The following RAPGEF6 variants were observed in gnomAD, a reference collection of about 807,000 sequenced individuals.
The protein encoded by RAPGEF6 is PDZ domain containing guanine nucleotide exchange factor (GEF) 2.
RAPGEF6 carries 56 observed loss-of-function variants against 171.4 expected under a neutral mutation model. The observed-to-expected ratio is 0.33, with a 90% CI of 0.26 to 0.41. The LOEUF is 0.41. Ranked by LOEUF, RAPGEF6 falls within the 10% of genes least tolerant of loss-of-function variation. The pLI is 1.00. For missense variants in RAPGEF6, 1,674 were observed against 1,921.4 expected (o/e 0.87, Z 2.41); for synonymous variants, 692 against 650.1 (o/e 1.06, Z -0.98).
intron 1 of RAPGEF6, among the ~76,000 whole-genome samples, chr5:131,634,190 G>C (rs1056345698): frequency 1.3e-5 from 2 of 151,284 alleles, no homozygotes; most frequent in African/African-American, 4.9e-5. Flanking sequence ...ACTGTTTAGT[G>C]TTTTGTTTAG....
Position 131,521,524 on chromosome 5 carries a change from G to A in RAPGEF6, c.496-3C>T. 2.7e-6 allele frequency: 4 copies of A among 1,489,526 alleles called. No homozygotes were observed. Among genetic ancestry groups the A allele is most frequent in the Admixed American group, 2.0e-5 (1 of 49,026 alleles). 92.3% of individuals were successfully genotyped at this position (1,489,526 alleles called of 1,614,324 possible). A position where few individuals can be genotyped will look rare whatever the true frequency, so the allele number is the denominator to read the frequency against. Reference sequence around the variant, plus strand: ...ATCTTGGTAAGATCAGCTGGAAGCTGAAAAAAAAAATAATTTAAGTTATTC... The same window carrying A: ...ATCTTGGTAAGATCAGCTGGAAGCTAAAAAAAAAAATAATTTAAGTTATTC... On this transcript the variant is annotated splice_polypyrimidine_tract_variant and splice_region_variant and intron_variant, in intron 6 of 27. Transcript: ENST00000509018.
rs763359022 is a variant in RAPGEF6 at position 131,634,953 on chromosome 5, C to T, written c.69+9G>A. 6.2e-6 allele frequency: 10 copies of T among 1,614,134 alleles called. No homozygotes were observed. In the South Asian group the frequency reaches 9.9e-5, roughly 16 times the overall value. ...CTGTGAGACGCACATAAAGGTCAAC[C>T]AGCCTCACCTCGGGAGTCCGCTCGG... On this transcript the variant is annotated intron_variant, in intron 1 of 27. Coordinates refer to ENST00000509018, the MANE Select transcript of RAPGEF6 (RefSeq NM_016340.6).
intron 1 of RAPGEF6, among the ~76,000 whole-genome samples, chr5:131,627,563 C>T (rs981536412): frequency 1.3e-5 from 2 of 152,130 alleles, no homozygotes; most frequent in South Asian, 2.1e-4. Flanking sequence ...AAAAAAGGAA[C>T]GTTATAAAGA....
At position 131,505,610 on chromosome 5, in the gene RAPGEF6, C is replaced by T. The variant is rs1277350515; in HGVS notation, c.943-88G>A. Reference sequence around the variant, plus strand: ...AAAAAGAATCTATCAATATATATAACTTGAATAAAAAGGAAAAAGGAGGAT... The same window carrying T: ...AAAAAGAATCTATCAATATATATAATTTGAATAAAAAGGAAAAAGGAGGAT... On this transcript the variant is annotated intron_variant, in intron 9 of 27. Coordinates refer to ENST00000509018, the MANE Select transcript of RAPGEF6 (RefSeq NM_016340.6). 5.8e-6 allele frequency: 7 copies of T among 1,206,356 alleles called. No homozygotes were observed. In the African/African-American group the frequency reaches 9.3e-5, roughly 16 times the overall value. 74.7% of individuals were successfully genotyped at this position (1,206,356 alleles called of 1,614,324 possible). A position where few individuals can be genotyped will look rare whatever the true frequency, so the allele number is the denominator to read the frequency against.
At chr5:131,473,809 C>T (rs1726564885) in intron 16 of RAPGEF6, among the ~76,000 whole-genome samples, 1 of 152,018 alleles carries the variant, frequency 6.6e-6, no homozygotes, top group Non-Finnish European at 1.5e-5. Flanking sequence ...GATTAGAAAA[C>T]TATGCAAGAT....
chr5:131,492,740 T>G lies in RAPGEF6; in HGVS notation c.1573A>C (p.Lys525Gln). 2 of 1,614,066 alleles carry G rather than the reference T, an allele frequency of 1.2e-6. No homozygotes were observed. Among genetic ancestry groups the G allele is most frequent in the Non-Finnish European group, 1.7e-6 (2 of 1,179,890 alleles). ...AGCACAACCTGTCTCCACTTAGCCT[T>G]TGCAGCACAGGCAATATTCAATAAC... ...LRLLNIACAA[K>Q]AKWRQVVLQK... The change falls in exon 14 of 28, where the codon AAG becomes CAG. Residue 525 changes from lysine (K) to glutamine (Q), a missense_variant. Transcript: ENST00000509018.
intron 1 of RAPGEF6, among the ~76,000 whole-genome samples, chr5:131,607,735 T>TA (rs1238938845): frequency 6.6e-6 from 1 of 152,078 alleles, no homozygotes; most frequent in Non-Finnish European, 1.5e-5. Flanking sequence ...AAATGGGAGA[T>TA]AAACACTATG....
At chr5:131,487,048 G>A (rs898004858) in intron 15 of RAPGEF6, among the ~76,000 whole-genome samples, 1 of 152,062 alleles carries the variant, frequency 6.6e-6, no homozygotes, top group African/African-American at 2.4e-5. Flanking sequence ...GGTTCCTTCC[G>A]GTGGGTTCCT....
At chr5:131,588,006 TA>T (rs1763360480) in intron 4 of RAPGEF6, among the ~76,000 whole-genome samples, 4 of 151,760 alleles carry the variant, frequency 2.6e-5, no homozygotes, top group Admixed American at 6.6e-5. Context: ...TTTTTTTTTT[TA>T]AATTTTTGTA....
intron 5 of RAPGEF6, among the ~76,000 whole-genome samples, chr5:131,558,233 T>C (rs1364052329): frequency 1.3e-5 from 2 of 151,146 alleles, no homozygotes; most frequent in African/African-American, 2.5e-5. Flanking sequence ...TTTTTTTTTT[T>C]TCCAAGGAAT....
intron 4 of RAPGEF6, among the ~76,000 whole-genome samples, chr5:131,581,225 A>G (rs974827029): frequency 3.3e-5 from 5 of 152,228 alleles, no homozygotes; most frequent in African/African-American, 1.2e-4. Flanking sequence ...CTTAATGAAA[A>G]GTGTTGTTTT....
Position 131,574,986 on chromosome 5 carries a change from T to A in RAPGEF6, c.282-12939A>T, listed in dbSNP as rs578171668. On this transcript the variant is annotated intron_variant, in intron 4 of 27. Transcript: ENST00000509018. ...CCTACCTGTCCAGAAACCAGACAAA[T>A]CTTACAGGTTGGTTCAGGATCTTCG... Among the ~76,000 whole-genome samples the A allele has an allele frequency of 3.3e-5, 5 of 152,268 alleles. No individual in the cohort carries two copies. The East Asian group carries it at 7.7e-4, about 24-fold the overall frequency.
At chr5:131,584,672 T>G (rs924157777) in intron 4 of RAPGEF6, among the ~76,000 whole-genome samples, 1 of 152,188 alleles carries the variant, frequency 6.6e-6, no homozygotes, top group African/African-American at 2.4e-5. Flanking sequence ...TTTTCAGGTT[T>G]TTAGCATTTC....
chr5:131,574,572 A>G (rs1001248974), intron 4 of RAPGEF6, among the ~76,000 whole-genome samples: 6 of 152,096 alleles, frequency 3.9e-5, no homozygotes, highest in Admixed American at 6.5e-5. Context: ...CTTGGACAAC[A>G]TTCTTTTATG....
chr5:131,617,163 G>T (rs886223956), intron 1 of RAPGEF6, among the ~76,000 whole-genome samples: 2 of 152,196 alleles, frequency 1.3e-5, no homozygotes, highest in Non-Finnish European at 2.9e-5. Context: ...GTGGAAGACA[G>T]CTGGATGCAG....
Position 131,442,368 on chromosome 5 carries a change from T to C in RAPGEF6, c.3591A>G (p.Gln1197=). 1 of 1,614,046 alleles carries C rather than the reference T, an allele frequency of 6.2e-7. No homozygotes were observed. The highest frequency in any genetic ancestry group is 8.5e-7 in the Non-Finnish European group (1 of 1,179,946). ...ACTCACTCAGTGCAGGGTCTTTTGTTTGTCCCTTCTTCCTGATGGGGTGCA... is the reference window on the plus strand; with the variant it reads ...ACTCACTCAGTGCAGGGTCTTTTGTCTGTCCCTTCTTCCTGATGGGGTGCA... The part of the protein sequence containing the change: ...VNLHPIRKKG[Q]TKDPALNTSL... Residue 1197 remains glutamine (Q), a synonymous_variant, in exon 23 of 28, where the codon CAA becomes CAG. Coordinates refer to ENST00000509018, the MANE Select transcript of RAPGEF6 (RefSeq NM_016340.6).
intron 6 of RAPGEF6, chr5:131,533,177 C>CAA (rs916083116): frequency 1.2e-4 from 15 of 128,158 alleles, no homozygotes; most frequent in African/African-American, 3.7e-4. Flanking sequence ...CATACACACA[C>CAA]ACACACACAC....
intron 16 of RAPGEF6, among the ~76,000 whole-genome samples, chr5:131,473,257 A>T (rs1754875599): frequency 6.6e-6 from 1 of 152,196 alleles, no homozygotes; most frequent in South Asian, 2.1e-4. Context: ...AGTGGTCTTT[A>T]AACACTGGAC....
intron 9 of RAPGEF6, 24 bp downstream of exon 9, chr5:131,508,047 T>C: frequency 1.3e-6 from 2 of 1,539,588 alleles, no homozygotes; most frequent in South Asian, 1.2e-5. Flanking sequence ...ATAATAAATG[T>C]ATGTAATTTA....
Sources: allele counts gnomAD v4.1 joint callset (sites outside exome capture counted in the v4.1 genomes callset), GRCh38; gene constraint gnomAD v4.1.1; transcripts MANE v1.5; gene names NCBI Gene and HGNC (gene_info 2026-07-23, HGNC 2026-07-21).